NCKAP5: variants seen among roughly 807,000 people sequenced by gnomAD.
The protein encoded by NCKAP5 is nck-associated protein 5.
A neutral mutation model predicts 167.0 loss-of-function variants in NCKAP5; 92 were observed. That is an observed-to-expected ratio of 0.55 (90% CI 0.47 to 0.66). The LOEUF (loss-of-function observed/expected upper bound fraction) is 0.66. NCKAP5 is among the 30% of genes least tolerant of loss of function. The pLI is 0.00. For synonymous variants in NCKAP5, 891 were observed against 877.4 expected (o/e 1.02, Z -0.27); for missense variants, 2,378 against 2,315.0 (o/e 1.03, Z -0.56).
chr2:133,466,617 C>T (rs185138547), intron 3 of NCKAP5, among the ~76,000 whole-genome samples: 72 of 152,172 alleles, frequency 4.7e-4, no homozygotes, highest in East Asian at 3.9e-3. Flanking sequence ...GCCATTTTCA[C>T]GATATTGATT....
intron 3 of NCKAP5, among the ~76,000 whole-genome samples, chr2:133,385,138 A>AATC (rs1686843648): frequency 6.6e-6 from 1 of 152,158 alleles, no homozygotes; most frequent in Admixed American, 6.5e-5. Flanking sequence ...TTTCAAAGGG[A>AATC]ATCCTTCCAG....
chr2:132,698,111 C>T (rs571773254), intron 19 of NCKAP5, among the ~76,000 whole-genome samples: 2 of 152,256 alleles, frequency 1.3e-5, no homozygotes, highest in African/African-American at 4.8e-5. Flanking sequence ...TATGAATTGA[C>T]AATAAATTCC....
chr2:133,281,657 G>A (rs1409717646), intron 4 of NCKAP5, among the ~76,000 whole-genome samples: 2 of 152,190 alleles, frequency 1.3e-5, no homozygotes, highest in Non-Finnish European at 2.9e-5. Context: ...CTTAAAGAAT[G>A]TGTTCTGCCT....
At chr2:133,263,627 A>G (rs1267334375) in intron 4 of NCKAP5, among the ~76,000 whole-genome samples, 1 of 152,162 alleles carries the variant, frequency 6.6e-6, no homozygotes, top group African/African-American at 2.4e-5. Flanking sequence ...ATTCACAACT[A>G]CCAAGTCAGA....
At chr2:133,528,180 CAT>C (rs912565878) in intron 2 of NCKAP5, among the ~76,000 whole-genome samples, 3 of 151,806 alleles carry the variant, frequency 2.0e-5, no homozygotes, top group African/African-American at 4.8e-5. Context: ...TGTATACAGA[CAT>C]ATATATATAT....
At chr2:132,854,689 ACAT>A (rs1689326934) in intron 11 of NCKAP5, among the ~76,000 whole-genome samples, 1 of 152,118 alleles carries the variant, frequency 6.6e-6, no homozygotes, top group South Asian at 2.1e-4. Context: ...GCCTTTTAGA[ACAT>A]CATTTCCCTT....
At position 132,773,540 on chromosome 2, in the gene NCKAP5, G is replaced by A. The variant is rs528639623; in HGVS notation, c.5128+276C>T. ...GTTCTTGAGATAATTATAGAAACTGGATTACTCAGTATCACTTTCATTTCA... is the reference window on the plus strand; with the variant it reads ...GTTCTTGAGATAATTATAGAAACTGAATTACTCAGTATCACTTTCATTTCA... On this transcript the variant is annotated intron_variant, in intron 16 of 19. Transcript: ENST00000409261. Among the ~76,000 whole-genome samples, 5 of 152,290 alleles carry A rather than the reference G, an allele frequency of 3.3e-5. No individual in the cohort carries two copies. The East Asian group carries it at 9.6e-4, about 29-fold the overall frequency.
intron 3 of NCKAP5, among the ~76,000 whole-genome samples, chr2:133,345,380 T>C (rs1477252811): frequency 6.6e-6 from 1 of 152,196 alleles, no homozygotes; most frequent in East Asian, 1.9e-4. Context: ...ATCATAGTCC[T>C]GTTAAAATCC....
chr2:133,634,351 A>AT, the NCKAP5 span, among the ~76,000 whole-genome samples: 4 of 152,104 alleles, frequency 2.6e-5, no homozygotes, highest in African/African-American at 7.2e-5. Flanking sequence ...TCTCCCAGGC[A>AT]TTTTTTACTG....
chr2:133,642,168 T>A, the NCKAP5 span, among the ~76,000 whole-genome samples: 1 of 152,082 alleles, frequency 6.6e-6, no homozygotes, highest in African/African-American at 2.4e-5. Flanking sequence ...TAAACAACTT[T>A]CTCTTGAGCG....
chr2:132,673,184 G>C lies in NCKAP5; in HGVS notation c.*105C>G. ...CTTCTGTCCTTCAACCTTGTTCAGA[G>C]AGTTCTTCTCTTTTTCTAATAAAAT... is the stretch of plus-strand genomic sequence containing the variant. On this transcript the variant is annotated 3_prime_UTR_variant, in exon 20 of 20. Transcript: ENST00000409261. The C allele has an allele frequency of 7.1e-7, 1 of 1,402,466 alleles. No individual in the cohort carries two copies. The highest frequency in any genetic ancestry group is 1.7e-5 in the South Asian group (1 of 59,168). The allele number at this position is 1,402,466 out of a possible 1,614,324, so 86.9% of individuals were successfully genotyped here. A position where few individuals can be genotyped will look rare whatever the true frequency, so the allele number is the denominator to read the frequency against.
intron 19 of NCKAP5, among the ~76,000 whole-genome samples, chr2:132,701,787 G>A (rs1687906905): frequency 6.6e-6 from 1 of 152,056 alleles, no homozygotes; most frequent in South Asian, 2.1e-4. Context: ...TTATGTCTAT[G>A]ACTTGTTCCC....
rs538811328 is a variant in NCKAP5, at chr2:133,294,672, G to A, written c.143+8365C>T. ...TGGAGAACATGAATGAGCATTTTGA[G>A]CATGGATCATTTTATTTCAATGTTC... On this transcript the variant is annotated intron_variant, in intron 4 of 19. Coordinates refer to ENST00000409261, the MANE Select transcript of NCKAP5 (RefSeq NM_207363.3). Among the ~76,000 whole-genome samples, 3 of 152,278 alleles carry A rather than the reference G, an allele frequency of 2.0e-5. No homozygotes were observed. In the East Asian group the frequency reaches 5.8e-4, roughly 29 times the overall value.
chr2:133,501,715 C>T lies in NCKAP5; in HGVS notation c.69+15743G>A, dbSNP rs569789553. On this transcript the variant is annotated intron_variant, in intron 3 of 19. Transcript: ENST00000409261. ...TCCTGATTTGATTCGTTCTTCTGTT[C>T]GGATCTAACTAGTTAATATTAACAA... is the stretch of plus-strand genomic sequence containing the variant. 7.9e-5 allele frequency among the ~76,000 whole-genome samples: 12 copies of T among 152,286 alleles called. 1 individual carries two copies. In the South Asian group the frequency reaches 1.7e-3, roughly 21 times the overall value.
chr2:133,265,712 G>A (rs1406408546), intron 4 of NCKAP5, among the ~76,000 whole-genome samples: 1 of 152,130 alleles, frequency 6.6e-6, no homozygotes. Context: ...AGGCAGTGCG[G>A]AGGGTGGGGG....
chr2:133,663,337 G>A, the NCKAP5 span, among the ~76,000 whole-genome samples: 1 of 152,150 alleles, frequency 6.6e-6, no homozygotes, highest in East Asian at 1.9e-4. Context: ...TTTGCTGGTG[G>A]AGCATCTTGC....
intron 3 of NCKAP5, among the ~76,000 whole-genome samples, chr2:133,347,822 C>T (rs902286334): frequency 2.6e-5 from 4 of 152,226 alleles, no homozygotes; most frequent in African/African-American, 9.7e-5. Context: ...GGGCCCACAG[C>T]ATGCACATGT....
At chr2:133,417,348 C>T (rs1689181700) in intron 3 of NCKAP5, among the ~76,000 whole-genome samples, 1 of 152,294 alleles carries the variant, frequency 6.6e-6, no homozygotes, top group South Asian at 2.1e-4. Flanking sequence ...CCTTCACACC[C>T]CTGGAAGACA....
intron 6 of NCKAP5, among the ~76,000 whole-genome samples, chr2:133,086,619 G>A (rs922608529): frequency 1.3e-5 from 2 of 152,086 alleles, no homozygotes; most frequent in African/African-American, 4.8e-5. Context: ...TCCAGCCTGA[G>A]TGACAGAGCA....
Sources: allele counts gnomAD v4.1 joint callset (sites outside exome capture counted in the v4.1 genomes callset), GRCh38; gene constraint gnomAD v4.1.1; transcripts MANE v1.5; gene names NCBI Gene and HGNC (gene_info 2026-07-23, HGNC 2026-07-21).